NCKAP5: variants seen among roughly 807,000 people sequenced by gnomAD.
NCKAP5 encodes the protein NCK associated protein 5.
A neutral mutation model predicts 167.0 loss-of-function variants in NCKAP5; 92 were observed. The observed-to-expected ratio is 0.55, with a 90% CI of 0.47 to 0.66. NCKAP5 has a LOEUF of 0.66. NCKAP5 is among the 30% of genes least tolerant of loss of function. NCKAP5 has a pLI of 0.00. For missense variants in NCKAP5, 2,378 were observed against 2,315.0 expected (o/e 1.03, Z -0.56); for synonymous variants, 891 against 877.4 (o/e 1.02, Z -0.27).
At chr2:132,822,960 A>C (rs75133708) in intron 11 of NCKAP5, among the ~76,000 whole-genome samples, 4,271 of 152,322 alleles carry the variant, frequency 0.028, 104 homozygotes, top group Non-Finnish European at 0.041. Context: ...AGAGCTTCAG[A>C]ACTTGAAGTC....
intron 3 of NCKAP5, among the ~76,000 whole-genome samples, chr2:133,443,810 G>A (rs139145388): frequency 4.6e-4 from 70 of 152,236 alleles, no homozygotes; most frequent in African/African-American, 1.5e-3. Context: ...GTCTGTTTGC[G>A]TTCTCCTGGT....
At chr2:132,930,323 C>CAG (rs1047993570) in intron 8 of NCKAP5, 4 of 152,024 alleles carry the variant, frequency 2.6e-5, no homozygotes, top group African/African-American at 9.7e-5. Context: ...GAAGGATGCC[C>CAG]AGAAAGGTGG....
chr2:133,618,441 C>G, the NCKAP5 span, among the ~76,000 whole-genome samples: 8 of 151,344 alleles, frequency 5.3e-5, no homozygotes, highest in African/African-American at 1.7e-4. Flanking sequence ...CTACAATGAA[C>G]TCAAACAAAT....
At chr2:133,231,676 C>G (rs113801842) in intron 4 of NCKAP5, among the ~76,000 whole-genome samples, 4 of 152,136 alleles carry the variant, frequency 2.6e-5, no homozygotes, top group African/African-American at 9.6e-5. Context: ...AGGCAACAGA[C>G]AGGGTCCATC....
chr2:133,035,322 C>A (rs2079007834), intron 6 of NCKAP5, among the ~76,000 whole-genome samples: 3 of 151,942 alleles, frequency 2.0e-5, no homozygotes, highest in Admixed American at 1.3e-4. Flanking sequence ...CTGGAGATTG[C>A]AGGCCCCACT....
At chr2:133,477,828 A>G (rs1188466868) in intron 3 of NCKAP5, among the ~76,000 whole-genome samples, 1 of 152,162 alleles carries the variant, frequency 6.6e-6, no homozygotes, top group East Asian at 1.9e-4. Flanking sequence ...GGGATGATGC[A>G]CATCCTGGGC....
At chr2:133,256,438 T>C (rs533832777) in intron 4 of NCKAP5, among the ~76,000 whole-genome samples, 43 of 152,310 alleles carry the variant, frequency 2.8e-4, no homozygotes, top group African/African-American at 1.0e-3. Context: ...AAATTGCTTG[T>C]AATTGTTTTA....
chr2:133,329,959 G>C (rs1682718959), intron 3 of NCKAP5, among the ~76,000 whole-genome samples: 1 of 151,844 alleles, frequency 6.6e-6, no homozygotes, highest in Non-Finnish European at 1.5e-5. Flanking sequence ...TTTTACCGGA[G>C]GGGCCAGCGT....
At chr2:132,797,313 C>T (rs1394692456) in intron 11 of NCKAP5, among the ~76,000 whole-genome samples, 3 of 152,238 alleles carry the variant, frequency 2.0e-5, no homozygotes, top group Non-Finnish European at 1.5e-5. Context: ...TTAATATTCA[C>T]GTGCTGTTCA....
intron 19 of NCKAP5, among the ~76,000 whole-genome samples, chr2:132,700,011 T>C (rs1238819420): frequency 6.6e-6 from 1 of 152,246 alleles, no homozygotes; most frequent in Non-Finnish European, 1.5e-5. Flanking sequence ...GACTTGTTAA[T>C]GATCGCCATT....
chr2:133,353,060 G>C (rs1315772942), intron 3 of NCKAP5, among the ~76,000 whole-genome samples: 1 of 152,128 alleles, frequency 6.6e-6, no homozygotes, highest in South Asian at 2.1e-4. Flanking sequence ...GGAAACTTTG[G>C]GCCATATTCA....
chr2:132,853,625 A>G (rs1689244175), intron 11 of NCKAP5, among the ~76,000 whole-genome samples: 1 of 152,162 alleles, frequency 6.6e-6, no homozygotes, highest in Non-Finnish European at 1.5e-5. Context: ...GTTACTTAAA[A>G]TTTAAGAGGG....
chr2:133,454,524 C>T (rs193133756), intron 3 of NCKAP5, among the ~76,000 whole-genome samples: 1 of 152,122 alleles, frequency 6.6e-6, no homozygotes, highest in African/African-American at 2.4e-5. Flanking sequence ...ATAGATCAAA[C>T]AACAGACTTG....
intron 8 of NCKAP5, among the ~76,000 whole-genome samples, chr2:132,902,273 G>A (rs902436362): frequency 2.0e-5 from 3 of 152,164 alleles, no homozygotes; most frequent in Non-Finnish European, 4.4e-5. Flanking sequence ...TGTAAAGAAG[G>A]CATTTATCAG....
intron 16 of NCKAP5, among the ~76,000 whole-genome samples, chr2:132,735,463 C>A (rs199735524): frequency 1.3e-5 from 2 of 152,212 alleles, no homozygotes; most frequent in East Asian, 3.8e-4. Context: ...TGATTGGAAG[C>A]TTCCTGAGGC....
At chr2:133,440,259 G>A (rs928507898) in intron 3 of NCKAP5, among the ~76,000 whole-genome samples, 2 of 152,150 alleles carry the variant, frequency 1.3e-5, no homozygotes, top group Admixed American at 6.5e-5. Context: ...TGACATCTGT[G>A]GGAGCCTGAG....
intron 4 of NCKAP5, among the ~76,000 whole-genome samples, chr2:133,214,349 G>T (rs1039889981): frequency 2.0e-5 from 3 of 152,084 alleles, no homozygotes; most frequent in Non-Finnish European, 4.4e-5. Flanking sequence ...GGCCCAAAAA[G>T]GCTAATACAC....
intron 8 of NCKAP5, among the ~76,000 whole-genome samples, chr2:132,937,599 C>T (rs947618541): frequency 6.6e-6 from 1 of 152,118 alleles, no homozygotes; most frequent in African/African-American, 2.4e-5. Flanking sequence ...CTTGATGACC[C>T]CTGGGGACAC....
chr2:133,603,984 A>G, the NCKAP5 span, among the ~76,000 whole-genome samples: 1 of 152,346 alleles, frequency 6.6e-6, no homozygotes, highest in Non-Finnish European at 1.5e-5. Flanking sequence ...TGTGTCCTGC[A>G]GCCCTTACTG....
Sources: gnomAD v4.1 joint callset for allele counts (sites outside exome capture counted in the v4.1 genomes callset) on GRCh38, gnomAD v4.1.1 for gene constraint, MANE v1.5 for transcripts, NCBI Gene and HGNC (gene_info 2026-07-23, HGNC 2026-07-21) for gene names.